CDH13: variants seen among roughly 807,000 people sequenced by gnomAD.
CDH13 encodes the protein cadherin 13, also known as cadherin-13.
Under a neutral mutation model 63.8 loss-of-function variants are expected in CDH13, and 24 were observed. That is an observed-to-expected ratio of 0.38 (90% CI 0.27 to 0.53). CDH13 has a LOEUF of 0.53. CDH13 is among the 20% of genes least tolerant of loss of function. CDH13 has a pLI of 0.85. For missense variants in CDH13, 1,049 were observed against 903.1 expected (o/e 1.16, Z -2.07); for synonymous variants, 503 against 355.3 (o/e 1.42, Z -4.67).
chr16:83,594,719 G>A (rs1233186837), intron 7 of CDH13, among the ~76,000 whole-genome samples: 1 of 152,168 alleles, frequency 6.6e-6, no homozygotes, highest in Admixed American at 6.6e-5. Context: ...ACATCTATTT[G>A]TTGATTTTCC....
chr16:82,668,497 A>C (rs1177897976), intron 1 of CDH13, among the ~76,000 whole-genome samples: 2 of 152,196 alleles, frequency 1.3e-5, no homozygotes, highest in Non-Finnish European at 2.9e-5. Context: ...AGCTCAGGGA[A>C]AACCATTAGG....
intron 2 of CDH13, among the ~76,000 whole-genome samples, chr16:82,860,858 T>C (rs2039915087): frequency 6.6e-6 from 1 of 152,166 alleles, no homozygotes; most frequent in Non-Finnish European, 1.5e-5. Context: ...CACTTGCAAG[T>C]AGCGGTTCAA....
At chr16:83,618,331 A>T (rs974004467) in intron 8 of CDH13, among the ~76,000 whole-genome samples, 1 of 151,904 alleles carries the variant, frequency 6.6e-6, no homozygotes, top group Admixed American at 6.6e-5. Context: ...GGGCTGAGGC[A>T]GGAGAATTGC....
At chr16:82,784,452 C>G (rs1259953919) in intron 1 of CDH13, among the ~76,000 whole-genome samples, 1 of 152,132 alleles carries the variant, frequency 6.6e-6, no homozygotes, top group Non-Finnish European at 1.5e-5. Flanking sequence ...ACAGCGAATG[C>G]TCTCCCCCAC....
At chr16:83,219,911 T>C (rs567235982) in intron 5 of CDH13, among the ~76,000 whole-genome samples, 66 of 152,362 alleles carry the variant, frequency 4.3e-4, no homozygotes, top group African/African-American at 1.4e-3. Context: ...CTCTTCTGTG[T>C]GTAGGTGACA....
chr16:83,348,964 C>A (rs891499826), intron 6 of CDH13, among the ~76,000 whole-genome samples: 3 of 152,222 alleles, frequency 2.0e-5, no homozygotes, highest in Non-Finnish European at 2.9e-5. Flanking sequence ...CATCTTCCAG[C>A]AAACCACGCG....
chr16:82,969,349 C>A (rs1045949023), intron 2 of CDH13, among the ~76,000 whole-genome samples: 1 of 152,042 alleles, frequency 6.6e-6, no homozygotes, highest in African/African-American at 2.4e-5. Flanking sequence ...TATAAATAGA[C>A]GTGGGGCTGA....
intron 3 of CDH13, among the ~76,000 whole-genome samples, chr16:83,091,848 A>G (rs1440443531): frequency 6.6e-6 from 1 of 152,204 alleles, no homozygotes; most frequent in Non-Finnish European, 1.5e-5. Context: ...AAAGATCTAG[A>G]AAAAGAAATC....
chr16:83,178,766 G>A (rs150059703), intron 4 of CDH13, among the ~76,000 whole-genome samples: 46 of 152,046 alleles, frequency 3.0e-4, no homozygotes, highest in African/African-American at 1.1e-3. Context: ...CAGTCATTGA[G>A]GCTTTGTTTT....
At chr16:83,154,502 G>T (rs2037123905) in intron 4 of CDH13, among the ~76,000 whole-genome samples, 2 of 151,796 alleles carry the variant, frequency 1.3e-5, no homozygotes, top group Admixed American at 6.6e-5. Context: ...AGGAGGCAGA[G>T]GTTGCAGTGA....
intron 2 of CDH13, among the ~76,000 whole-genome samples, chr16:82,888,676 C>G (rs1246266237): frequency 1.3e-5 from 2 of 152,200 alleles, no homozygotes; most frequent in African/African-American, 4.8e-5. Context: ...ATGTGAAACT[C>G]AAGTTTCTTC....
At chr16:83,598,869 GA>G (rs1220971180) in intron 7 of CDH13, among the ~76,000 whole-genome samples, 1 of 152,182 alleles carries the variant, frequency 6.6e-6, no homozygotes, top group Non-Finnish European at 1.5e-5. Context: ...AAGTTTAACA[GA>G]AAGATAACTT....
chr16:82,805,412 G>A (rs1173325528), intron 1 of CDH13, among the ~76,000 whole-genome samples: 3 of 152,180 alleles, frequency 2.0e-5, no homozygotes, highest in African/African-American at 7.2e-5. Flanking sequence ...GCTATGCAGA[G>A]TGGCATGGCT....
chr16:82,864,010 A>G (rs1222785344), intron 2 of CDH13, among the ~76,000 whole-genome samples: 2 of 152,240 alleles, frequency 1.3e-5, no homozygotes, highest in Admixed American at 1.3e-4. Flanking sequence ...TGGCATCAAA[A>G]ATAAACATAA....
chr16:83,580,272 A>G (rs939338945), intron 7 of CDH13, among the ~76,000 whole-genome samples: 3 of 152,104 alleles, frequency 2.0e-5, no homozygotes, highest in African/African-American at 7.2e-5. Context: ...CACTGGGGCT[A>G]TTTTTTGTGG....
chr16:82,737,824 A>T (rs557862522), intron 1 of CDH13, among the ~76,000 whole-genome samples: 1 of 152,198 alleles, frequency 6.6e-6, no homozygotes, highest in Non-Finnish European at 1.5e-5. Context: ...CCTACAAAAA[A>T]TTGCTCCGGT....
intron 1 of CDH13, among the ~76,000 whole-genome samples, chr16:82,665,229 A>C (rs1462277295): frequency 6.6e-6 from 1 of 152,182 alleles, no homozygotes; most frequent in Non-Finnish European, 1.5e-5. Context: ...AATGGCCCCA[A>C]GTGGACTGCA....
chr16:83,741,895 G>A (rs1027149701), intron 10 of CDH13, among the ~76,000 whole-genome samples: 1 of 152,060 alleles, frequency 6.6e-6, no homozygotes, highest in Non-Finnish European at 1.5e-5. Context: ...GGATCTAGGC[G>A]GCACACTCCT....
intron 1 of CDH13, among the ~76,000 whole-genome samples, chr16:82,647,632 G>A (rs1030520461): frequency 2.2e-4 from 34 of 152,046 alleles, no homozygotes; most frequent in Non-Finnish European, 7.4e-5. Flanking sequence ...AATCTGGTTG[G>A]CATTGATTCA....
Sources: gnomAD v4.1 joint callset for allele counts (sites outside exome capture counted in the v4.1 genomes callset) on GRCh38, gnomAD v4.1.1 for gene constraint, MANE v1.5 for transcripts, NCBI Gene and HGNC (gene_info 2026-07-23, HGNC 2026-07-21) for gene names.